The following IL1RAPL1 variants were observed in gnomAD, a reference collection of about 807,000 sequenced individuals.
The protein encoded by IL1RAPL1 is interleukin-1 receptor accessory protein-like 1.
IL1RAPL1 carries 3 observed loss-of-function variants against 48.4 expected under a neutral mutation model. That is an observed-to-expected ratio of 0.06 (90% CI 0.03 to 0.16). IL1RAPL1 has a LOEUF of 0.16. IL1RAPL1 is among the 10% of genes least tolerant of loss of function. The pLI, the probability that IL1RAPL1 is intolerant of heterozygous loss-of-function variation, is 1.00. For synonymous variants in IL1RAPL1, 185 were observed against 187.7 expected (o/e 0.99, Z 0.12); for missense variants, 349 against 530.6 (o/e 0.66, Z 3.36).
At chrX:28,598,790 G>A (rs1001780459) in intron 1 of IL1RAPL1, among the ~76,000 whole-genome samples, 3 of 108,398 alleles carry the variant, frequency 2.8e-5, no homozygotes, top group Non-Finnish European at 3.9e-5. Context: ...CACCACACCC[G>A]GCTAATTTTG....
intron 6 of IL1RAPL1, among the ~76,000 whole-genome samples, chrX:29,683,322 G>A (rs748119357): frequency 4.4e-4 from 49 of 111,862 alleles, no homozygotes; most frequent in Non-Finnish European, 8.7e-4. Flanking sequence ...GATGTTCCTT[G>A]TTCCCCAAGA....
chrX:29,409,709 G>A (rs762065006), intron 5 of IL1RAPL1, among the ~76,000 whole-genome samples: 2 of 110,338 alleles, frequency 1.8e-5, no homozygotes, highest in Admixed American at 1.9e-4. Flanking sequence ...GGGAAAACAA[G>A]ACATCATAAA....
At chrX:29,300,905 G>A (rs896657334) in intron 3 of IL1RAPL1, among the ~76,000 whole-genome samples, 5 of 110,586 alleles carry the variant, frequency 4.5e-5, no homozygotes, top group Non-Finnish European at 5.7e-5. Context: ...TACCCTAATC[G>A]CCCCCCCTGG....
At chrX:29,797,144 T>C (rs1256120210) in intron 6 of IL1RAPL1, among the ~76,000 whole-genome samples, 1 of 112,803 alleles carries the variant, frequency 8.9e-6, no homozygotes, top group Non-Finnish European at 1.9e-5. Context: ...AGTTGTTTGG[T>C]TACTGTCCTT....
At chrX:29,132,760 C>T (rs1304184202) in intron 2 of IL1RAPL1, among the ~76,000 whole-genome samples, 1 of 111,564 alleles carries the variant, frequency 9.0e-6, no homozygotes, top group Non-Finnish European at 1.9e-5. Flanking sequence ...AGCTCTGTGA[C>T]GTTATTCTAC....
rs371932726 is a variant in IL1RAPL1, at chrX:28,620,077, TA to T, written c.-25+32041del. On this transcript the variant is annotated intron_variant, in intron 1 of 10. Coordinates refer to ENST00000378993, the MANE Select transcript of IL1RAPL1 (RefSeq NM_014271.4). ...AAAGGCTCTGAGAAGTCCTGCAGTT[TA>T]AAAAAAAAAACACTAAAGTGTTTTA... Among the ~76,000 whole-genome samples the T allele has an allele frequency of 3.3e-3, 345 of 104,197 alleles. 2 individuals are homozygous for T. The highest frequency in any genetic ancestry group is 0.017 in the East Asian group (57 of 3,351). 90.5% of individuals were successfully genotyped at this position (104,197 alleles called of 115,157 possible).
chrX:29,516,324 A>G (rs898645907), intron 5 of IL1RAPL1, among the ~76,000 whole-genome samples: 1 of 112,060 alleles, frequency 8.9e-6, no homozygotes, highest in African/African-American at 3.2e-5. Flanking sequence ...TATATATGCC[A>G]TATAGAGAGA....
intron 5 of IL1RAPL1, among the ~76,000 whole-genome samples, chrX:29,590,239 A>G (rs929908044): frequency 2.7e-5 from 3 of 111,459 alleles, no homozygotes; most frequent in African/African-American, 9.8e-5. Flanking sequence ...ACTTTCCAAT[A>G]CCAGTGATTA....
In IL1RAPL1 at chrX:29,947,753, T is replaced by G. The variant is rs1293201302; in HGVS notation, c.1201+5959T>G. ...AACCTTATAGGGATTTTTTTTGGTG[T>G]TTTTTTTTTTTTTTGGTGGGGGGGT... On this transcript the variant is annotated intron_variant, in intron 9 of 10. Coordinates refer to ENST00000378993, the MANE Select transcript of IL1RAPL1 (RefSeq NM_014271.4). Among the ~76,000 whole-genome samples the G allele has an allele frequency of 5.7e-5, 5 of 87,071 alleles. 1 individual carries two copies. The highest frequency in any genetic ancestry group is 1.0e-2 in the Middle Eastern group (2 of 201). 75.6% of individuals were successfully genotyped at this position (87,071 alleles called of 115,157 possible).
Position 29,208,305 on chromosome X carries a change from T to TA in IL1RAPL1, c.83-74628dup, listed in dbSNP as rs1327925701. Among the ~76,000 whole-genome samples, 3 of 111,582 alleles carry TA rather than the reference T, an allele frequency of 2.7e-5. No individual in the cohort carries two copies. In the Admixed American group the frequency reaches 2.9e-4, roughly 11 times the overall value. On this transcript the variant is annotated intron_variant, in intron 2 of 10. Coordinates refer to ENST00000378993, the MANE Select transcript of IL1RAPL1 (RefSeq NM_014271.4). ...ACTCAGTCAACAAAAGCCATAAGTCTAAAAACCCAAAATGAATTTGGCAAT... is the reference window on the plus strand; with the variant it reads ...ACTCAGTCAACAAAAGCCATAAGTCTAAAAAACCCAAAATGAATTTGGCAAT...
chrX:29,177,228 CT>C (rs1930042712), intron 2 of IL1RAPL1, among the ~76,000 whole-genome samples: 1 of 111,776 alleles, frequency 8.9e-6, no homozygotes, highest in Non-Finnish European at 1.9e-5. Flanking sequence ...GGATGCCTTT[CT>C]TTTTCTCTGA....
chrX:29,307,988 G>A (rs2147616401), intron 3 of IL1RAPL1, among the ~76,000 whole-genome samples: 1 of 111,854 alleles, frequency 8.9e-6, no homozygotes, highest in African/African-American at 3.2e-5. Context: ...ATTTTTAGGA[G>A]GACACAAATA....
chrX:28,759,512 C>T (rs1408085168), intron 1 of IL1RAPL1, among the ~76,000 whole-genome samples: 1 of 110,490 alleles, frequency 9.1e-6, no homozygotes, highest in Non-Finnish European at 1.9e-5. Flanking sequence ...ATCAAGGAAA[C>T]ATTGTTAGTT....
At chrX:29,038,404 A>G (rs191997051) in intron 2 of IL1RAPL1, among the ~76,000 whole-genome samples, 67 of 112,244 alleles carry the variant, frequency 6.0e-4, no homozygotes, top group Non-Finnish European at 1.1e-3. Context: ...ATATACAGCC[A>G]TTTAAATATG....
At chrX:29,748,531 A>T (rs1294551339) in intron 6 of IL1RAPL1, among the ~76,000 whole-genome samples, 1 of 112,799 alleles carries the variant, frequency 8.9e-6, no homozygotes, top group Non-Finnish European at 1.9e-5. Context: ...TAACAGAGTG[A>T]GAGGGAATGG....
chrX:28,650,160 A>G (rs1247579302), intron 1 of IL1RAPL1, among the ~76,000 whole-genome samples: 3 of 112,101 alleles, frequency 2.7e-5, no homozygotes, highest in Non-Finnish European at 3.8e-5. Context: ...TCATATTCGT[A>G]TGCCTCAGAT....
At chrX:28,592,316 T>C (rs1933914441) in intron 1 of IL1RAPL1, among the ~76,000 whole-genome samples, 1 of 111,935 alleles carries the variant, frequency 8.9e-6, no homozygotes, top group Non-Finnish European at 1.9e-5. Flanking sequence ...CACAAACAAA[T>C]GTACACAAAC....
At chrX:29,065,152 CTT>C (rs59062867) in intron 2 of IL1RAPL1, among the ~76,000 whole-genome samples, 1 of 101,967 alleles carries the variant, frequency 9.8e-6, no homozygotes, top group Admixed American at 1.1e-4. Flanking sequence ...TGCCTTTATA[CTT>C]TTTTTTTTTT....
intron 1 of IL1RAPL1, among the ~76,000 whole-genome samples, chrX:28,660,995 CA>C (rs1422939413): frequency 2.7e-5 from 3 of 111,180 alleles, no homozygotes; most frequent in South Asian, 3.7e-4. Context: ...TCTATATTAG[CA>C]AAAGAGGTGT....
Sources: allele counts gnomAD v4.1 joint callset (sites outside exome capture counted in the v4.1 genomes callset), GRCh38; gene constraint gnomAD v4.1.1; transcripts MANE v1.5; gene names NCBI Gene and HGNC (gene_info 2026-07-23, HGNC 2026-07-21).